LZTFL1: variants seen among roughly 807,000 people sequenced by gnomAD.
LZTFL1 encodes the protein leucine zipper transcription factor like 1, also known as leucine zipper transcription factor-like protein 1.
Under a neutral mutation model 45.9 loss-of-function variants are expected in LZTFL1, and 25 were observed. The ratio of observed to expected loss-of-function variants is 0.54; its 90% CI spans 0.40 to 0.76. The LOEUF is 0.76. Among genes scored for constraint, LZTFL1 ranks in the 30% least tolerant of loss-of-function variants. The pLI is 0.00. For missense variants in LZTFL1, 277 were observed against 331.1 expected, an observed-to-expected ratio of 0.84 and a Z score of 1.27; for synonymous variants, 93 against 117.4, an observed-to-expected ratio of 0.79 and a Z score of 1.35.
At position 45,831,103 on chromosome 3, in the gene LZTFL1, C is replaced by T; in HGVS notation, c.492G>A (p.Leu164=). 6.2e-7 allele frequency: 1 copy of T among 1,603,278 alleles called. No individual in the cohort carries two copies. Among genetic ancestry groups the T allele is most frequent in the Non-Finnish European group, 8.5e-7 (1 of 1,175,734 alleles). ...ILRLQEENEK[L]KSRLKTIEIQ... The stretch of plus-strand genomic sequence containing the variant: ...TTTCAATGGTCTTCAACCTTGACTT[C>T]AATTTCTCATTCTCTTCTTGAAGTC... Residue 164 remains leucine, a synonymous_variant, in exon 6 of 10, where the codon TTG becomes TTA. Coordinates refer to ENST00000296135, the MANE Select transcript of LZTFL1 (RefSeq NM_020347.4).
chr3:45,828,635 G>A lies in LZTFL1; in HGVS notation c.601-20C>T, dbSNP rs759774740. ...AAAATCCTATGAAAAATAAATGCAT[G>A]CATGTAATTTCATGTTGATATTCTA... is the stretch of plus-strand genomic sequence containing the variant. On this transcript the variant is annotated intron_variant, in intron 7 of 9. Transcript: ENST00000296135. 26 of 1,560,756 alleles carry A rather than the reference G, an allele frequency of 1.7e-5. No individual in the cohort carries two copies. Among genetic ancestry groups the A allele is most frequent in the Non-Finnish European group, 2.2e-5 (25 of 1,139,658 alleles).
intron 1 of LZTFL1, among the ~76,000 whole-genome samples, chr3:45,914,445 AT>A (rs910572878): frequency 6.6e-6 from 1 of 151,608 alleles, no homozygotes; most frequent in African/African-American, 2.4e-5. Flanking sequence ...TAATATTTGA[AT>A]TTTTTTTGGT....
chr3:45,823,904 G>A lies in LZTFL1; in HGVS notation c.*2410C>T, dbSNP rs1370137027. On this transcript the variant is annotated 3_prime_UTR_variant, in exon 10 of 10. Coordinates refer to ENST00000296135, the MANE Select transcript of LZTFL1 (RefSeq NM_020347.4). ...TTCAGTTAATCAGAATGGAAATAATGAATAGCAAAGGCTTTATCAAATAAG... is the reference window on the plus strand; with the variant it reads ...TTCAGTTAATCAGAATGGAAATAATAAATAGCAAAGGCTTTATCAAATAAG... 1 of 152,142 alleles carries A rather than the reference G, an allele frequency of 6.6e-6. No individual in the cohort carries two copies. The highest frequency in any genetic ancestry group is 1.5e-5 in the Non-Finnish European group (1 of 68,018). The allele number at this position is 152,142 out of a possible 1,614,324, so 9.4% of individuals were successfully genotyped here.
At chr3:45,888,583 G>A (rs1702052397) in intron 2 of LZTFL1, among the ~76,000 whole-genome samples, 3 of 152,216 alleles carry the variant, frequency 2.0e-5, no homozygotes, top group African/African-American at 7.2e-5. Flanking sequence ...AGGCCTCACT[G>A]AGCAGCAAGG....
intron 2 of LZTFL1, among the ~76,000 whole-genome samples, chr3:45,871,664 G>T (rs1317358001): frequency 1.6e-5 from 2 of 127,888 alleles, no homozygotes; most frequent in Non-Finnish European, 3.1e-5. Context: ...TCTGTGGTAT[G>T]TGTATGTGCA....
At chr3:45,873,813 T>C (rs1701707040) in intron 2 of LZTFL1, among the ~76,000 whole-genome samples, 2 of 152,136 alleles carry the variant, frequency 1.3e-5, no homozygotes, top group South Asian at 4.2e-4. Flanking sequence ...TAGGATACCG[T>C]CTCCTCCCTC....
chr3:45,851,537 C>T (rs1193619661), intron 4 of LZTFL1, among the ~76,000 whole-genome samples: 2 of 151,742 alleles, frequency 1.3e-5, no homozygotes, highest in African/African-American at 2.4e-5. Flanking sequence ...CTGTGATCTT[C>T]GAAACTTCTA....
intron 2 of LZTFL1, among the ~76,000 whole-genome samples, chr3:45,905,401 T>C (rs186149271): frequency 6.6e-6 from 1 of 152,350 alleles, no homozygotes; most frequent in East Asian, 1.9e-4. Flanking sequence ...ACTTTTATAT[T>C]ATCAAAGCCT....
At position 45,823,772 on chromosome 3, in the gene LZTFL1, A is replaced by G. The variant is rs949073164; in HGVS notation, c.*2542T>C. 6.6e-6 allele frequency: 1 copy of G among 152,232 alleles called. No individual in the cohort carries two copies. Among genetic ancestry groups the G allele is most frequent in the Non-Finnish European group, 1.5e-5 (1 of 68,046 alleles). 9.4% of individuals were successfully genotyped at this position (152,232 alleles called of 1,614,324 possible). ...ATCTAGTGGCAAAGCTTTGGAACAT[A>G]GGCATTTACACATAAGCAGAGGGAA... On this transcript the variant is annotated 3_prime_UTR_variant, in exon 10 of 10. Coordinates refer to ENST00000296135, the MANE Select transcript of LZTFL1 (RefSeq NM_020347.4).
intron 2 of LZTFL1, chr3:45,897,524 G>A (rs17764980): frequency 0.11 from 156,105 of 1,415,520 alleles, 12,251 homozygotes; most frequent in South Asian, 0.36. Flanking sequence ...CCAGGTCCTG[G>A]GATTTCTGCA....
intron 2 of LZTFL1, among the ~76,000 whole-genome samples, chr3:45,887,887 A>G (rs1702031289): frequency 6.7e-6 from 1 of 150,294 alleles, no homozygotes; most frequent in African/African-American, 2.5e-5. Context: ...AGAGCTATGA[A>G]AAAATGTAAG....
At chr3:45,891,103 C>CA (rs1237957704) in intron 2 of LZTFL1, among the ~76,000 whole-genome samples, 2 of 152,060 alleles carry the variant, frequency 1.3e-5, no homozygotes, top group African/African-American at 2.4e-5. Flanking sequence ...ACTTTTGTAA[C>CA]AAAAAAAGTC....
intron 2 of LZTFL1, among the ~76,000 whole-genome samples, chr3:45,872,599 C>G (rs1701687633): frequency 6.6e-6 from 1 of 152,190 alleles, no homozygotes; most frequent in Non-Finnish European, 1.5e-5. Context: ...TAGGGTTTCT[C>G]CTTCCTAGGT....
At chr3:45,887,040 C>T (rs1421474304) in intron 2 of LZTFL1, among the ~76,000 whole-genome samples, 14 of 152,098 alleles carry the variant, frequency 9.2e-5, no homozygotes, top group Admixed American at 7.9e-4. Flanking sequence ...CAGTGAAAAA[C>T]TGGAAACAAG....
intron 2 of LZTFL1, among the ~76,000 whole-genome samples, chr3:45,893,189 C>T (rs1458535348): frequency 6.6e-6 from 1 of 150,930 alleles, no homozygotes. Context: ...GAGTCTTGCT[C>T]TGTCACCCAG....
chr3:45,908,430 G>A (rs766111976), intron 2 of LZTFL1, among the ~76,000 whole-genome samples: 2 of 152,204 alleles, frequency 1.3e-5, no homozygotes, highest in Admixed American at 1.3e-4. Context: ...GCAGACACAG[G>A]CGTGGTGCTC....
At chr3:45,907,037 G>A (rs556073996) in intron 2 of LZTFL1, among the ~76,000 whole-genome samples, 1 of 152,342 alleles carries the variant, frequency 6.6e-6, no homozygotes, top group East Asian at 1.9e-4. Flanking sequence ...TCTGCAGCCA[G>A]TCAGATGATC....
At chr3:45,878,595 TAAAA>T (rs762444326) in intron 2 of LZTFL1, among the ~76,000 whole-genome samples, 2 of 111,604 alleles carry the variant, frequency 1.8e-5, no homozygotes, top group Admixed American at 9.1e-5. Context: ...GGCCCTCAAG[TAAAA>T]AAAAAAAAAA....
At chr3:45,902,193 C>G (rs1032024641) in intron 2 of LZTFL1, 1 of 293,458 alleles carries the variant, frequency 3.4e-6, no homozygotes, top group East Asian at 6.4e-5. Context: ...GCATCAATGC[C>G]GCTGCCTCTG....
Sources: allele counts gnomAD v4.1 joint callset (sites outside exome capture counted in the v4.1 genomes callset), GRCh38; gene constraint gnomAD v4.1.1; transcripts MANE v1.5; gene names NCBI Gene and HGNC (gene_info 2026-07-23, HGNC 2026-07-21).